The following DNAH7 variants were observed in gnomAD, a reference collection of about 807,000 sequenced individuals.
DNAH7 encodes the protein dynein axonemal heavy chain 7, also known as axonemal beta dynein heavy chain 7.
Under a neutral mutation model 444.6 loss-of-function variants are expected in DNAH7, and 397 were observed. The ratio of observed to expected loss-of-function variants is 0.89; its 90% CI spans 0.82 to 0.97. DNAH7 has a LOEUF of 0.97. Among genes scored for constraint, DNAH7 ranks in the 50% least tolerant of loss-of-function variants. The pLI is 0.00. For missense variants in DNAH7, 4,902 were observed against 4,800.8 expected (o/e 1.02, Z -0.62); for synonymous variants, 1,636 against 1,624.4 (o/e 1.01, Z -0.17).
chr2:195,786,768 T>C (rs1695644816), intron 58 of DNAH7, among the ~76,000 whole-genome samples: 1 of 152,182 alleles, frequency 6.6e-6, no homozygotes, highest in East Asian at 1.9e-4. Context: ...CCCTAAGTGT[T>C]TGTGTGTCAA....
At chr2:196,045,865 T>C (rs1467385467) in intron 5 of DNAH7, among the ~76,000 whole-genome samples, 1 of 151,428 alleles carries the variant, frequency 6.6e-6, no homozygotes, top group Non-Finnish European at 1.5e-5. Flanking sequence ...ATATGATAAA[T>C]AGGAAACATA....
intron 1 of DNAH7, among the ~76,000 whole-genome samples, chr2:196,065,441 A>G (rs776967725): frequency 5.9e-5 from 9 of 152,232 alleles, no homozygotes; most frequent in Non-Finnish European, 1.0e-4. Flanking sequence ...GATTGCATCC[A>G]TTTATAATAA....
Position 195,824,378 on chromosome 2 carries a change from A to G in DNAH7, c.9168T>C (p.Phe3056=). ...GGATACATGTACTCCCACCCTGCTT[A>G]AAGGTTTGTTTTAGTAGAAGAGGTT... ...ILEPLLLKQT[F]KQGGSTCIRL... is the part of the protein sequence containing the mutation. The change falls in exon 49 of 65, where the codon TTT becomes TTC. Residue 3056 remains phenylalanine, a synonymous_variant. Transcript: ENST00000312428. 6.2e-7 allele frequency: 1 copy of G among 1,613,654 alleles called. No individual in the cohort carries two copies.
chr2:195,852,884 G>A (rs2125043009), intron 46 of DNAH7, among the ~76,000 whole-genome samples: 1 of 143,132 alleles, frequency 7.0e-6, no homozygotes, highest in East Asian at 2.1e-4. Flanking sequence ...GGAAACAGCT[G>A]ATGAAGTACA....
At position 195,864,621 on chromosome 2, in the gene DNAH7, C is replaced by G. The variant is rs371113400; in HGVS notation, c.7034G>C (p.Ser2345Thr). 1.2e-6 allele frequency: 2 copies of G among 1,614,084 alleles called. No individual in the cohort carries two copies. Among genetic ancestry groups the G allele is most frequent in the African/African-American group, 2.7e-5 (2 of 74,928 alleles). Residue 2345 changes from serine to threonine, a missense_variant, in exon 41 of 65, where the codon AGT becomes ACT. Ser to Thr is a moderately conservative substitution (Grantham distance 58). Transcript: ENST00000312428. ...TAATCTGGTGACAGACTGCCTTCCA[C>G]TCCCTCCAACCCCTACTAGGAGAGC... ...SHALLVGVGGSGRQSVTRLAA... is the reference protein window; with the variant it reads ...SHALLVGVGGTGRQSVTRLAA...
Position 195,855,886 on chromosome 2 carries a change from T to C in DNAH7, c.8520A>G (p.Glu2840=), listed in dbSNP as rs1699673809. The change falls in exon 45 of 65, where the codon GAA becomes GAG. Residue 2840 remains glutamate (E), a synonymous_variant. Coordinates refer to ENST00000312428, the MANE Select transcript of DNAH7 (RefSeq NM_018897.3). ...GAAGCCTGGCCAGCTTGTCCTGAAC[T>C]TCCTTAAGGGCTGCCTGCTTCTTTC... ...GLRKKQAALK[E]VQDKLARLQD... The C allele has an allele frequency of 4.3e-6, 7 of 1,614,074 alleles. No individual in the cohort carries two copies. Among genetic ancestry groups the C allele is most frequent in the Non-Finnish European group, 5.9e-6 (7 of 1,179,960 alleles).
intron 63 of DNAH7, among the ~76,000 whole-genome samples, chr2:195,747,255 T>A (rs1175073819): frequency 6.6e-6 from 1 of 152,040 alleles, no homozygotes; most frequent in Non-Finnish European, 1.5e-5. Context: ...CTAGAAGAAA[T>A]GGATAAATTC....
chr2:195,906,130 T>C (rs936387197), intron 27 of DNAH7, among the ~76,000 whole-genome samples: 2 of 152,080 alleles, frequency 1.3e-5, no homozygotes, highest in East Asian at 1.9e-4. Context: ...GTTTCCAGCA[T>C]TGTAAAAAGG....
At chr2:196,017,003 T>A (rs1386266048) in intron 9 of DNAH7, among the ~76,000 whole-genome samples, 1 of 152,164 alleles carries the variant, frequency 6.6e-6, no homozygotes. Context: ...TTTATTATTT[T>A]ATTTAATTTT....
At chr2:196,058,502 T>C (rs921014245) in intron 1 of DNAH7, among the ~76,000 whole-genome samples, 58 of 152,170 alleles carry the variant, frequency 3.8e-4, no homozygotes, top group African/African-American at 1.4e-3. Context: ...TCCCTTATAA[T>C]AAAACAGTAA....
intron 10 of DNAH7, among the ~76,000 whole-genome samples, chr2:196,007,352 A>G (rs1372701931): frequency 6.6e-6 from 1 of 152,200 alleles, no homozygotes; most frequent in African/African-American, 2.4e-5. Flanking sequence ...TGGTGCTCAG[A>G]CTACCAGATA....
At chr2:195,950,868 A>AAAAAAAAAAAAAAAAC (rs1553575648) in intron 19 of DNAH7, among the ~76,000 whole-genome samples, 1 of 138,152 alleles carries the variant, frequency 7.2e-6, no homozygotes, top group African/African-American at 2.9e-5. Flanking sequence ...AAAAAAAAAA[A>AAAAAAAAAAAAAAAAC]AAAAAAAAAA....
intron 54 of DNAH7, among the ~76,000 whole-genome samples, chr2:195,801,060 T>C (rs959093528): frequency 9.9e-5 from 15 of 152,194 alleles, no homozygotes; most frequent in Admixed American, 9.2e-4. Flanking sequence ...CCCTTCGACC[T>C]TCTGCCATGC....
chr2:195,840,277 G>T (rs908903208), intron 47 of DNAH7, among the ~76,000 whole-genome samples: 1 of 151,480 alleles, frequency 6.6e-6, no homozygotes, highest in Non-Finnish European at 1.5e-5. Context: ...CTCAATAGAC[G>T]CAGAAAAAAC....
intron 5 of DNAH7, among the ~76,000 whole-genome samples, chr2:196,028,806 C>T (rs926648169): frequency 1.3e-5 from 2 of 152,124 alleles, no homozygotes; most frequent in Admixed American, 1.3e-4. Context: ...TTAAGTACAC[C>T]TTCCCACTAA....
At chr2:196,007,090 G>C (rs543647619) in intron 10 of DNAH7, among the ~76,000 whole-genome samples, 2 of 152,172 alleles carry the variant, frequency 1.3e-5, no homozygotes, top group Admixed American at 1.3e-4. Flanking sequence ...TGGACAAGTT[G>C]CTACTAAAAT....
chr2:195,884,532 G>A, intron 35 of DNAH7, 53 bp downstream of exon 35: 2 of 1,348,612 alleles, frequency 1.5e-6, no homozygotes. Flanking sequence ...CTATGTGTCA[G>A]AGAGGGGACT....
At chr2:195,935,708 G>C (rs903729746) in intron 20 of DNAH7, among the ~76,000 whole-genome samples, 3 of 152,170 alleles carry the variant, frequency 2.0e-5, no homozygotes, top group African/African-American at 7.2e-5. Context: ...AGGGCAAGTT[G>C]AGCATGGAGG....
In DNAH7 at chr2:195,781,576, T is replaced by C. The variant is rs891240122; in HGVS notation, c.10879-3591A>G. Among the ~76,000 whole-genome samples the C allele has an allele frequency of 2.0e-5, 3 of 152,220 alleles. No homozygotes were observed. The East Asian group carries it at 5.8e-4, about 29-fold the overall frequency. On this transcript the variant is annotated intron_variant, in intron 58 of 64. Coordinates refer to ENST00000312428, the MANE Select transcript of DNAH7 (RefSeq NM_018897.3). ...CCTTGTTACAAGAGGGTTGAGACAA[T>C]GAGCAGCAGGAGAGAGTAGGTGAAA...
Sources: allele counts gnomAD v4.1 joint callset (sites outside exome capture counted in the v4.1 genomes callset), GRCh38; gene constraint gnomAD v4.1.1; transcripts MANE v1.5; gene names NCBI Gene and HGNC (gene_info 2026-07-23, HGNC 2026-07-21).